The following TBC1D8 variants were observed in gnomAD, a reference collection of about 807,000 sequenced individuals.
The protein encoded by TBC1D8 is BUB2-like protein 1.
In TBC1D8, 65 loss-of-function variants were observed where a neutral mutation model predicts 118.8. That is an observed-to-expected ratio of 0.55 (90% CI 0.45 to 0.67). The LOEUF (loss-of-function observed/expected upper bound fraction) is 0.67, where lower values mean the gene tolerates loss of function less well. TBC1D8 is among the 30% of genes least tolerant of loss of function. The pLI, the probability that TBC1D8 is intolerant of heterozygous loss-of-function variation, is 0.00. For synonymous variants in TBC1D8, 566 were observed against 595.8 expected (o/e 0.95, Z 0.73); for missense variants, 1,376 against 1,471.2 (o/e 0.94, Z 1.06).
intron 2 of TBC1D8, among the ~76,000 whole-genome samples, chr2:101,079,001 T>A (rs1361022564): frequency 1.3e-5 from 2 of 152,096 alleles, no homozygotes; most frequent in African/African-American, 4.8e-5. Flanking sequence ...CCTCATGGAA[T>A]GGGAGAGACC....
intron 12 of TBC1D8, among the ~76,000 whole-genome samples, chr2:101,028,822 C>G (rs894064699): frequency 7.9e-5 from 12 of 152,194 alleles, no homozygotes; most frequent in African/African-American, 2.7e-4. Flanking sequence ...GCTCACTAGC[C>G]TTATGCAGAA....
intron 2 of TBC1D8, among the ~76,000 whole-genome samples, chr2:101,077,224 T>A (rs1458222593): frequency 2.7e-5 from 4 of 146,902 alleles, no homozygotes; most frequent in Admixed American, 2.1e-4. Context: ...GGGGTTTCAC[T>A]GTGTTAGCCA....
chr2:101,069,210 T>C (rs1683174949), intron 2 of TBC1D8, among the ~76,000 whole-genome samples: 1 of 151,450 alleles, frequency 6.6e-6, no homozygotes, highest in South Asian at 2.1e-4. Context: ...TAAGAATCCC[T>C]TGAATCCGGA....
At chr2:101,084,662 A>C (rs1196370625) in intron 2 of TBC1D8, among the ~76,000 whole-genome samples, 1 of 151,994 alleles carries the variant, frequency 6.6e-6, no homozygotes, top group Non-Finnish European at 1.5e-5. Context: ...CCTGTTATTC[A>C]TGTTGCTATC....
At chr2:101,027,303 G>A in intron 15 of TBC1D8, 80 bp downstream of exon 15, 2 of 1,334,398 alleles carry the variant, frequency 1.5e-6, no homozygotes, top group South Asian at 1.2e-5. Context: ...GCAGCTGCAT[G>A]CTGTCCCCTG....
chr2:101,129,767 T>C (rs1678508067), intron 1 of TBC1D8, among the ~76,000 whole-genome samples: 1 of 151,828 alleles, frequency 6.6e-6, no homozygotes, highest in Admixed American at 6.6e-5. Context: ...TAGCTGGGCG[T>C]GGCAGCAGGC....
At chr2:101,042,004 G>A (rs896706345) in intron 5 of TBC1D8, among the ~76,000 whole-genome samples, 25 of 151,524 alleles carry the variant, frequency 1.6e-4, no homozygotes, top group African/African-American at 5.6e-4. Context: ...TAGCCTGGGC[G>A]ACACAGTGAG....
intron 1 of TBC1D8, among the ~76,000 whole-genome samples, chr2:101,145,510 A>G (rs1246065919): frequency 6.6e-6 from 1 of 152,212 alleles, no homozygotes; most frequent in Non-Finnish European, 1.5e-5. Flanking sequence ...AAACTCAGCT[A>G]TATGAGCAGG....
intron 1 of TBC1D8, among the ~76,000 whole-genome samples, chr2:101,101,878 C>T (rs1676859934): frequency 6.6e-6 from 1 of 151,996 alleles, no homozygotes; most frequent in Admixed American, 6.6e-5. Flanking sequence ...GGGAACAACA[C>T]ACACCAGAGC....
At position 101,029,670 on chromosome 2, in the gene TBC1D8, C is replaced by A; in HGVS notation, c.2043G>T (p.Ser681=). ...DLSALASVSL[S]WFLTLFLSIM... is the part of the protein sequence containing the mutation. ...TGCTGAGGAACAGGGTCAGGAACCA[C>A]GAGAGAGAGACGGACGCCAGGGCTG... is the stretch of plus-strand genomic sequence containing the variant. The change falls in exon 12 of 20, where the codon TCG becomes TCT. Residue 681 remains serine, a synonymous_variant. Transcript: ENST00000409318. 6.2e-7 allele frequency: 1 copy of A among 1,613,984 alleles called. No individual in the cohort carries two copies. The highest frequency in any genetic ancestry group is 8.5e-7 in the Non-Finnish European group (1 of 1,179,888).
intron 19 of TBC1D8, among the ~76,000 whole-genome samples, chr2:101,010,159 G>T (rs1300712054): frequency 6.6e-6 from 1 of 152,118 alleles, no homozygotes; most frequent in Non-Finnish European, 1.5e-5. Context: ...TAAACATTGG[G>T]AGGAACCATT....
At chr2:101,084,269 C>T (rs1470736962) in intron 2 of TBC1D8, among the ~76,000 whole-genome samples, 1 of 152,172 alleles carries the variant, frequency 6.6e-6, no homozygotes, top group Non-Finnish European at 1.5e-5. Flanking sequence ...ACACATCCCA[C>T]CGGGTGCAGT....
intron 15 of TBC1D8, 102 bp from the exon 16 acceptor site, chr2:101,022,623 C>A: frequency 6.9e-7 from 1 of 1,449,992 alleles, no homozygotes; most frequent in East Asian, 2.6e-5. Context: ...TCTCACCACT[C>A]TAACTGGATA....
intron 1 of TBC1D8, among the ~76,000 whole-genome samples, chr2:101,106,351 G>A (rs1030426371): frequency 1.3e-5 from 2 of 152,208 alleles, no homozygotes; most frequent in African/African-American, 4.8e-5. Context: ...AAACCTTAAT[G>A]TTTGCAAGTT....
chr2:101,114,672 C>T (rs1460047813), intron 1 of TBC1D8, among the ~76,000 whole-genome samples: 1 of 152,196 alleles, frequency 6.6e-6, no homozygotes, highest in Admixed American at 6.5e-5. Context: ...ATTTATATCA[C>T]GGACTAAACA....
At chr2:101,039,501 C>T (rs1261552871) in intron 6 of TBC1D8, among the ~76,000 whole-genome samples, 1 of 152,112 alleles carries the variant, frequency 6.6e-6, no homozygotes. Flanking sequence ...AAGAAGAATG[C>T]TCAGTACGTT....
chr2:101,062,843 T>A (rs900369741), intron 2 of TBC1D8, among the ~76,000 whole-genome samples: 32 of 152,122 alleles, frequency 2.1e-4, no homozygotes, highest in African/African-American at 7.7e-4. Flanking sequence ...GGTTTCACCA[T>A]GTTTGTCAGG....
chr2:101,077,562 T>C (rs1434236761), intron 2 of TBC1D8, among the ~76,000 whole-genome samples: 1 of 152,100 alleles, frequency 6.6e-6, no homozygotes, highest in Non-Finnish European at 1.5e-5. Flanking sequence ...TACATCCTTT[T>C]AAACAACGAG....
chr2:101,028,580 G>C, intron 12 of TBC1D8, 148 bp from the exon 13 acceptor site: 1 of 1,192,788 alleles, frequency 8.4e-7, no homozygotes, highest in Non-Finnish European at 1.1e-6. Flanking sequence ...GCTTATTTTA[G>C]AGAAGCGAGA....
Sources: gnomAD v4.1 joint callset for allele counts (sites outside exome capture counted in the v4.1 genomes callset) on GRCh38, gnomAD v4.1.1 for gene constraint, MANE v1.5 for transcripts, NCBI Gene and HGNC (gene_info 2026-07-23, HGNC 2026-07-21) for gene names.